The following CTNNA2 variants were observed in gnomAD, a reference collection of about 807,000 sequenced individuals.
The protein encoded by CTNNA2 is catenin alpha-2.
In CTNNA2, 42 loss-of-function variants were observed where a neutral mutation model predicts 101.0. The observed-to-expected ratio is 0.42, with a 90% CI of 0.32 to 0.54. The LOEUF is 0.54. CTNNA2 is among the 20% of genes least tolerant of loss of function. The pLI is 0.14. For missense variants in CTNNA2, 871 were observed against 1,223.1 expected, an observed-to-expected ratio of 0.71 and a Z score of 4.29; for synonymous variants, 450 against 456.4, an observed-to-expected ratio of 0.99 and a Z score of 0.18.
At chr2:79,189,800 T>C (rs904518236) in intron 1 of CTNNA2, among the ~76,000 whole-genome samples, 4 of 152,184 alleles carry the variant, frequency 2.6e-5, no homozygotes, top group African/African-American at 9.7e-5. Flanking sequence ...CTCCCAGTAC[T>C]TGAGGAAGGG....
At chr2:79,279,809 C>T (rs1221974397) in intron 2 of CTNNA2, among the ~76,000 whole-genome samples, 1 of 152,006 alleles carries the variant, frequency 6.6e-6, no homozygotes, top group Non-Finnish European at 1.5e-5. Context: ...CAAAATAGAA[C>T]CTTTCCATTA....
At chr2:80,588,289 G>A (rs1696145708) in intron 14 of CTNNA2, among the ~76,000 whole-genome samples, 1 of 152,118 alleles carries the variant, frequency 6.6e-6, no homozygotes, top group Non-Finnish European at 1.5e-5. Context: ...ATTTTAAACA[G>A]CAAAGTTACT....
At chr2:80,614,543 T>C (rs1243302991) in intron 17 of CTNNA2, among the ~76,000 whole-genome samples, 2 of 151,354 alleles carry the variant, frequency 1.3e-5, no homozygotes, top group Admixed American at 1.3e-4. Context: ...TGACTGTATC[T>C]TGGGATATGT....
intron 2 of CTNNA2, among the ~76,000 whole-genome samples, chr2:79,699,101 C>A (rs1035365029): frequency 6.6e-6 from 1 of 152,108 alleles, no homozygotes; most frequent in South Asian, 2.1e-4. Flanking sequence ...AAATGTAGTA[C>A]TAACTAAAAA....
chr2:79,653,274 A>G (rs1681383794), intron 2 of CTNNA2, among the ~76,000 whole-genome samples: 1 of 150,088 alleles, frequency 6.7e-6, no homozygotes, highest in Admixed American at 6.7e-5. Flanking sequence ...TATTCTTGTC[A>G]TCCATCTCCT....
At chr2:79,222,188 C>G (rs1000237693) in intron 2 of CTNNA2, among the ~76,000 whole-genome samples, 2 of 152,168 alleles carry the variant, frequency 1.3e-5, no homozygotes, top group Non-Finnish European at 2.9e-5. Context: ...CTCGAGACAC[C>G]AGGCAGGCGA....
chr2:79,189,267 T>C (rs907005287), intron 1 of CTNNA2, among the ~76,000 whole-genome samples: 2 of 152,228 alleles, frequency 1.3e-5, no homozygotes, highest in South Asian at 2.1e-4. Flanking sequence ...TATTGATAAT[T>C]TGTCCTTTCT....
At chr2:79,586,728 A>C (rs1676516940) in intron 1 of CTNNA2, among the ~76,000 whole-genome samples, 1 of 151,994 alleles carries the variant, frequency 6.6e-6, no homozygotes, top group South Asian at 2.1e-4. Context: ...TTACATGAAC[A>C]AGTTCTTTAG....
intron 4 of CTNNA2, among the ~76,000 whole-genome samples, chr2:79,489,722 G>GA (rs1671191247): frequency 6.6e-6 from 1 of 152,198 alleles, no homozygotes. Flanking sequence ...AGGAAGAAAG[G>GA]AAAACAGAGT....
At chr2:79,477,922 C>T (rs1671068405) in intron 4 of CTNNA2, among the ~76,000 whole-genome samples, 1 of 152,202 alleles carries the variant, frequency 6.6e-6, no homozygotes, top group Non-Finnish European at 1.5e-5. Context: ...AATGAAAAGT[C>T]TGATACTTCT....
intron 7 of CTNNA2, among the ~76,000 whole-genome samples, chr2:80,355,848 C>G (rs1324911171): frequency 1.3e-5 from 2 of 151,852 alleles, no homozygotes; most frequent in Non-Finnish European, 2.9e-5. Context: ...TTTTTACTGC[C>G]CAGAGGTTAA....
At chr2:80,265,316 G>C (rs891952487) in intron 7 of CTNNA2, among the ~76,000 whole-genome samples, 1 of 152,132 alleles carries the variant, frequency 6.6e-6, no homozygotes, top group African/African-American at 2.4e-5. Flanking sequence ...CTTTGTATTT[G>C]TGAAACGTTT....
intron 2 of CTNNA2, among the ~76,000 whole-genome samples, chr2:79,215,963 G>A (rs192340052): frequency 6.6e-6 from 1 of 152,226 alleles, no homozygotes; most frequent in Non-Finnish European, 1.5e-5. Flanking sequence ...GGTTGGGACT[G>A]AGGGGACATG....
At chr2:79,943,049 T>C (rs2104462861) in intron 7 of CTNNA2, among the ~76,000 whole-genome samples, 1 of 152,012 alleles carries the variant, frequency 6.6e-6, no homozygotes, top group East Asian at 1.9e-4. Context: ...AAACCCCATC[T>C]CTGCTAAAAA....
chr2:80,239,491 C>T (rs1041523740), intron 7 of CTNNA2, among the ~76,000 whole-genome samples: 5 of 152,100 alleles, frequency 3.3e-5, no homozygotes, highest in Admixed American at 6.5e-5. Flanking sequence ...TTCCAAGCCC[C>T]GCAGTGGAGG....
chr2:79,938,956 TGACA>T (rs1191812166), intron 7 of CTNNA2, among the ~76,000 whole-genome samples: 2 of 152,200 alleles, frequency 1.3e-5, no homozygotes, highest in African/African-American at 4.8e-5. Flanking sequence ...CAGCTATCAC[TGACA>T]GACAATGCCA....
At chr2:79,951,214 C>A (rs1243006972) in intron 7 of CTNNA2, among the ~76,000 whole-genome samples, 1 of 152,084 alleles carries the variant, frequency 6.6e-6, no homozygotes, top group African/African-American at 2.4e-5. Context: ...CTTAATTTAG[C>A]CATATATTAG....
At chr2:80,427,905 G>A (rs13386215) in intron 9 of CTNNA2, among the ~76,000 whole-genome samples, 50 of 152,334 alleles carry the variant, frequency 3.3e-4, no homozygotes, top group African/African-American at 1.1e-3. Context: ...CATGGGACAT[G>A]CATTCTCTTG....
chr2:80,067,938 C>G (rs1044987557), intron 7 of CTNNA2, among the ~76,000 whole-genome samples: 5 of 152,160 alleles, frequency 3.3e-5, no homozygotes, highest in African/African-American at 9.7e-5. Flanking sequence ...CAACTGTCAC[C>G]GACATCTTGA....
Sources: gnomAD v4.1 joint callset for allele counts (sites outside exome capture counted in the v4.1 genomes callset) on GRCh38, gnomAD v4.1.1 for gene constraint, MANE v1.5 for transcripts, NCBI Gene and HGNC (gene_info 2026-07-23, HGNC 2026-07-21) for gene names.